SLIT2: variants seen among roughly 807,000 people sequenced by gnomAD.
The protein encoded by SLIT2 is slit guidance ligand 2.
A neutral mutation model predicts 185.7 loss-of-function variants in SLIT2; 41 were observed. The observed-to-expected ratio is 0.22, with a 90% CI of 0.17 to 0.29. The LOEUF (loss-of-function observed/expected upper bound fraction) is 0.29, where lower values mean the gene tolerates loss of function less well. Among genes scored for constraint, SLIT2 ranks in the 10% least tolerant of loss-of-function variants. SLIT2 has a pLI of 1.00. For synonymous variants in SLIT2, 693 were observed against 680.2 expected (o/e 1.02, Z -0.29); for missense variants, 1,571 against 1,909.0 (o/e 0.82, Z 3.30).
intron 12 of SLIT2, 151 bp from the exon 13 acceptor site, chr4:20,523,609 G>A (rs1721026237): frequency 3.1e-6 from 2 of 649,112 alleles, no homozygotes; most frequent in Admixed American, 5.7e-5. Flanking sequence ...CACATCTCTA[G>A]CCTCTAATTC....
chr4:20,606,694 T>C (rs1305765349), intron 33 of SLIT2, among the ~76,000 whole-genome samples: 1 of 152,284 alleles, frequency 6.6e-6, no homozygotes, highest in East Asian at 1.9e-4. Context: ...TCACTCATAA[T>C]TGGGAAAATA....
At chr4:20,287,668 C>T (rs529336613) in intron 4 of SLIT2, among the ~76,000 whole-genome samples, 4 of 152,262 alleles carry the variant, frequency 2.6e-5, no homozygotes, top group Admixed American at 2.0e-4. Context: ...CTAGAAGCAT[C>T]TCTCCATTGT....
At chr4:20,296,732 C>T (rs1577387058) in intron 4 of SLIT2, among the ~76,000 whole-genome samples, 1 of 152,202 alleles carries the variant, frequency 6.6e-6, no homozygotes, top group South Asian at 2.1e-4. Context: ...GATGGAATAT[C>T]TGTGAAAAGA....
chr4:20,561,125 G>A (rs1044464074), intron 26 of SLIT2, among the ~76,000 whole-genome samples: 1 of 151,764 alleles, frequency 6.6e-6, no homozygotes, highest in East Asian at 1.9e-4. Flanking sequence ...AAAGAGGGGA[G>A]GAGGCCCAAA....
In SLIT2 at chr4:20,596,442, C is replaced by T. The variant is rs1269274802; in HGVS notation, c.3348C>T (p.Pro1116=). 3 of 1,613,900 alleles carry T rather than the reference C, an allele frequency of 1.9e-6. No homozygotes were observed. In the African/African-American group the frequency reaches 4.0e-5, roughly 22 times the overall value. The change falls in exon 32 of 37, where the codon CCC becomes CCT. Residue 1116 remains proline (P), a synonymous_variant. Transcript: ENST00000504154. ...GCTTGTTCTGTGAGTTTTCTCCACCCATGGTCCTCCCTCGTACCAGCCCCT... is the reference window on the plus strand; with the variant it reads ...GCTTGTTCTGTGAGTTTTCTCCACCTATGGTCCTCCCTCGTACCAGCCCCT... ...YSGLFCEFSP[P]MVLPRTSPCD... is the part of the protein sequence containing the mutation.
chr4:20,312,303 C>A (rs1399051694), intron 4 of SLIT2, among the ~76,000 whole-genome samples: 6 of 152,062 alleles, frequency 3.9e-5, no homozygotes, highest in Non-Finnish European at 7.4e-5. Flanking sequence ...TAATTATAAT[C>A]AAAAACTACC....
intron 4 of SLIT2, among the ~76,000 whole-genome samples, chr4:20,311,121 T>G (rs1718065987): frequency 6.6e-6 from 1 of 152,242 alleles, no homozygotes; most frequent in Non-Finnish European, 1.5e-5. Flanking sequence ...ACTCTTGCCC[T>G]TATGCAATTC....
chr4:20,345,509 TC>T (rs1260835474), intron 4 of SLIT2, among the ~76,000 whole-genome samples: 32 of 151,488 alleles, frequency 2.1e-4, no homozygotes, highest in Non-Finnish European at 3.5e-4. Flanking sequence ...TTTCCTTTTT[TC>T]TTTTTCTTTT....
At chr4:20,418,529 T>C (rs1259212371) in intron 4 of SLIT2, among the ~76,000 whole-genome samples, 1 of 152,210 alleles carries the variant, frequency 6.6e-6, no homozygotes, top group Non-Finnish European at 1.5e-5. Context: ...AATGAATATT[T>C]AATTTACTTT....
chr4:20,426,198 C>T (rs992412614), intron 4 of SLIT2, among the ~76,000 whole-genome samples: 1 of 152,096 alleles, frequency 6.6e-6, no homozygotes, highest in Admixed American at 6.6e-5. Flanking sequence ...CAGCTCCAAA[C>T]CTGGAATGCG....
intron 9 of SLIT2, among the ~76,000 whole-genome samples, chr4:20,508,653 G>A (rs571078519): frequency 2.6e-5 from 4 of 151,874 alleles, no homozygotes; most frequent in Middle Eastern, 6.4e-3. Flanking sequence ...AAATAAATAT[G>A]CAAGCAAAAA....
At chr4:20,342,023 A>G (rs1486057487) in intron 4 of SLIT2, among the ~76,000 whole-genome samples, 4 of 152,184 alleles carry the variant, frequency 2.6e-5, no homozygotes, top group African/African-American at 9.7e-5. Context: ...TTAGGGTAAA[A>G]AAGTCATTGA....
In SLIT2 at chr4:20,539,442, A is replaced by T. The variant is rs1355857733; in HGVS notation, c.1834A>T (p.Met612Leu). 6.2e-7 allele frequency: 1 copy of T among 1,609,718 alleles called. No homozygotes were observed. The highest frequency in any genetic ancestry group is 2.2e-5 in the East Asian group (1 of 44,668). ...ACAATGTCCTTTTTTTCCCCTCAGG[A>T]TGTTGAGAAGCAATCGAATAACCTG... is the stretch of plus-strand genomic sequence containing the variant. ...FKGLESLKTL[M>L]LRSNRITCVG... The change falls in exon 19 of 37, where the codon ATG becomes TTG. Residue 612 changes from methionine (M) to leucine (L), a missense_variant and splice_region_variant. Coordinates refer to ENST00000504154, the MANE Select transcript of SLIT2 (RefSeq NM_004787.4).
At position 20,259,120 on chromosome 4, in the gene SLIT2, AT is replaced by A. The variant is rs567431025; in HGVS notation, c.323+1182del. On this transcript the variant is annotated intron_variant, in intron 3 of 36. Transcript: ENST00000504154. ...AAGGACTATAATTGTGGAATTCAAA[AT>A]AAATTTAAAATCACTACTTTCAACT... 1.8e-4 allele frequency among the ~76,000 whole-genome samples: 27 copies of A among 151,842 alleles called. No homozygotes were observed. In the South Asian group the frequency reaches 5.2e-3, roughly 29 times the overall value.
At chr4:20,565,250 G>T (rs1724999636) in intron 26 of SLIT2, among the ~76,000 whole-genome samples, 1 of 151,966 alleles carries the variant, frequency 6.6e-6, no homozygotes, top group Non-Finnish European at 1.5e-5. Flanking sequence ...GCCGTGGGAT[G>T]TGGCCAGATA....
At chr4:20,456,524 C>T (rs1046257464) in intron 4 of SLIT2, among the ~76,000 whole-genome samples, 17 of 152,078 alleles carry the variant, frequency 1.1e-4, no homozygotes, top group Admixed American at 3.3e-4. Flanking sequence ...ACATGCATTC[C>T]ATGCATGTCA....
intron 5 of SLIT2, among the ~76,000 whole-genome samples, chr4:20,477,918 G>A (rs1284809000): frequency 3.3e-5 from 5 of 152,190 alleles, no homozygotes; most frequent in Admixed American, 2.0e-4. Context: ...GCAGAGAACA[G>A]ATCCTTTCCT....
intron 4 of SLIT2, among the ~76,000 whole-genome samples, chr4:20,327,343 C>G (rs4328909): frequency 0.87 from 132,016 of 152,044 alleles, 57,497 homozygotes; most frequent in African/African-American, 0.92. Flanking sequence ...GTTATAAAAT[C>G]AAACCTCATA....
intron 4 of SLIT2, among the ~76,000 whole-genome samples, chr4:20,286,941 G>A (rs1715328384): frequency 6.6e-6 from 1 of 152,140 alleles, no homozygotes; most frequent in African/African-American, 2.4e-5. Flanking sequence ...CACCATCTCA[G>A]TTTTATAGAT....
Sources: allele counts gnomAD v4.1 joint callset (sites outside exome capture counted in the v4.1 genomes callset), GRCh38; gene constraint gnomAD v4.1.1; transcripts MANE v1.5; gene names NCBI Gene and HGNC (gene_info 2026-07-23, HGNC 2026-07-21).